Variants in IDO2 observed in about 807,000 individuals in gnomAD.
IDO2 encodes the protein indoleamine 2,3-dioxygenase 2.
In IDO2, 46 loss-of-function variants were observed where a neutral mutation model predicts 45.1. That is an observed-to-expected ratio of 1.02 (90% CI 0.80 to 1.30). IDO2 has a LOEUF of 1.30. Ranked by LOEUF, IDO2 falls within the 50% of genes most tolerant of loss-of-function variation. The pLI is 0.00. For missense variants in IDO2, 544 were observed against 491.8 expected (o/e 1.11, Z -1.00); for synonymous variants, 218 against 184.9 (o/e 1.18, Z -1.45).
intron 2 of IDO2, among the ~76,000 whole-genome samples, chr8:39,959,047 T>C (rs1181168597): frequency 6.6e-6 from 1 of 152,150 alleles, no homozygotes; most frequent in Non-Finnish European, 1.5e-5. Flanking sequence ...TTGTTTTCTG[T>C]ACTTCTTAGT....
chr8:39,959,845 A>G (rs1807966045), intron 2 of IDO2, among the ~76,000 whole-genome samples: 1 of 152,182 alleles, frequency 6.6e-6, no homozygotes, highest in Non-Finnish European at 1.5e-5. Context: ...AATAAGTCAG[A>G]GATTGTGAAT....
intron 1 of IDO2, among the ~76,000 whole-genome samples, chr8:39,939,875 T>C (rs1807617693): frequency 6.6e-6 from 1 of 152,204 alleles, no homozygotes; most frequent in Non-Finnish European, 1.5e-5. Context: ...GATGTTGCTT[T>C]TAGGAAACAA....
chr8:39,939,515 C>G, intron 1 of IDO2, among the ~76,000 whole-genome samples: 1 of 129,002 alleles, frequency 7.8e-6, no homozygotes, highest in Non-Finnish European at 1.6e-5. Context: ...CCACTGTACT[C>G]CAGCCTGAAC....
chr8:39,972,609 C>CAAAAA lies in IDO2; in HGVS notation c.196-6436_196-6432dup, dbSNP rs35394460. Among the ~76,000 whole-genome samples, 69 of 34,538 alleles carry CAAAAA rather than the reference C, an allele frequency of 2.0e-3. 6 individuals carry two copies. The highest frequency in any genetic ancestry group is 5.4e-3 in the South Asian group (2 of 370). 22.7% of individuals were successfully genotyped at this position (34,538 alleles called of 152,430 possible). A position where few individuals can be genotyped will look rare whatever the true frequency, so the allele number is the denominator to read the frequency against. ...CGGGTAACAGAGCAAGACTCCATCT[C>CAAAAA]AAAAAAAAAAAAAAAAAAAAAAAAA... is the stretch of plus-strand genomic sequence containing the variant. On this transcript the variant is annotated intron_variant, in intron 3 of 10. Coordinates refer to ENST00000502986, the Ensembl canonical transcript of IDO2.
At chr8:39,961,559 T>C (rs949167666) in intron 2 of IDO2, among the ~76,000 whole-genome samples, 9 of 152,058 alleles carry the variant, frequency 5.9e-5, no homozygotes, top group African/African-American at 1.9e-4. Context: ...TGACCTTAGG[T>C]GATCCGCCCT....
At chr8:39,989,634 C>T in intron 7 of IDO2, 87 bp from the exon 8 acceptor site, 1 of 909,282 alleles carries the variant, frequency 1.1e-6, no homozygotes, top group East Asian at 2.7e-5. Flanking sequence ...CCGGTCCTCC[C>T]CTGGGTTCCA....
At chr8:39,988,728 C>G (rs1432558987) in intron 7 of IDO2, among the ~76,000 whole-genome samples, 1 of 152,092 alleles carries the variant, frequency 6.6e-6, no homozygotes, top group Non-Finnish European at 1.5e-5. Context: ...ACACTACCTC[C>G]CTTGATAAGC....
At chr8:39,989,918 CATGT>C in intron 8 of IDO2, 80 bp downstream of exon 8, 9 of 877,186 alleles carry the variant, frequency 1.0e-5, no homozygotes, top group Non-Finnish European at 1.6e-5. Context: ...GGGGACCAGG[CATGT>C]CCTGAAGGGG....
At chr8:39,964,311 C>T (rs1307294671) in intron 3 of IDO2, among the ~76,000 whole-genome samples, 7 of 152,236 alleles carry the variant, frequency 4.6e-5, no homozygotes, top group Non-Finnish European at 1.0e-4. Flanking sequence ...GAAAAAGTTA[C>T]TCAACTCTGT....
At chr8:39,993,119 C>T (rs1451466363) in intron 8 of IDO2, among the ~76,000 whole-genome samples, 1 of 152,156 alleles carries the variant, frequency 6.6e-6, no homozygotes, top group Non-Finnish European at 1.5e-5. Context: ...GCATCCAGTC[C>T]TTCTTTGGAG....
At chr8:39,985,399 C>A in intron 5 of IDO2, 109 bp from the exon 6 acceptor site, 1 of 923,286 alleles carries the variant, frequency 1.1e-6, no homozygotes, top group Non-Finnish European at 1.7e-6. Context: ...AGTGTGCATG[C>A]CTGTGGACAT....
At chr8:39,979,175 C>A (rs367911459) in exon 4 of IDO2, 2 of 1,589,086 alleles carry the variant, frequency 1.3e-6, no homozygotes, top group Admixed American at 3.6e-5. Flanking sequence ...AGGAGAGGCG[C>A]AGCCTGCAGA....
intron 10 of IDO2, among the ~76,000 whole-genome samples, chr8:40,014,982 C>T (rs915861657): frequency 1.3e-5 from 2 of 151,910 alleles, no homozygotes; most frequent in East Asian, 3.9e-4. Context: ...GAACCCGTCT[C>T]TACTAAAAGG....
intron 2 of IDO2, among the ~76,000 whole-genome samples, chr8:39,950,608 C>G (rs1282561551): frequency 2.0e-5 from 3 of 152,204 alleles, no homozygotes; most frequent in Non-Finnish European, 2.9e-5. Flanking sequence ...TGTCCAGCCA[C>G]GAGAGCACAC....
intron 8 of IDO2, chr8:39,998,575 T>C (rs1413093199): frequency 6.6e-6 from 1 of 151,904 alleles, no homozygotes; most frequent in Non-Finnish European, 1.5e-5. Flanking sequence ...TCAGTTCCAG[T>C]GTGAGCTCTG....
At chr8:39,996,290 C>T (rs976492708) in intron 8 of IDO2, among the ~76,000 whole-genome samples, 10 of 152,300 alleles carry the variant, frequency 6.6e-5, no homozygotes, top group Admixed American at 3.9e-4. Flanking sequence ...ACACCTGGCT[C>T]CGCCTTTTAG....
intron 8 of IDO2, among the ~76,000 whole-genome samples, chr8:40,001,670 T>C (rs532381707): frequency 6.6e-5 from 10 of 152,316 alleles, no homozygotes; most frequent in African/African-American, 2.2e-4. Flanking sequence ...GTTTGTCTTA[T>C]GCCTTTTGAA....
chr8:39,946,330 C>T (rs1328588740), intron 1 of IDO2, among the ~76,000 whole-genome samples: 1 of 152,234 alleles, frequency 6.6e-6, no homozygotes, highest in Non-Finnish European at 1.5e-5. Flanking sequence ...ACTCTGCTCC[C>T]ACTGGGCGGT....
intron 8 of IDO2, among the ~76,000 whole-genome samples, chr8:39,990,967 G>A (rs1808489514): frequency 6.6e-6 from 1 of 152,156 alleles, no homozygotes; most frequent in South Asian, 2.1e-4. Context: ...TTCTTAACAA[G>A]AGAATATCAG....
Sources: gnomAD v4.1 joint callset for allele counts (sites outside exome capture counted in the v4.1 genomes callset) on GRCh38, gnomAD v4.1.1 for gene constraint, MANE v1.5 for transcripts, NCBI Gene and HGNC (gene_info 2026-07-23, HGNC 2026-07-21) for gene names.